The following PLBD2 variants were observed in gnomAD, a reference collection of about 807,000 sequenced individuals.
PLBD2 encodes putative aminopeptidase PLBD2.
A neutral mutation model predicts 68.3 loss-of-function variants in PLBD2; 51 were observed. The ratio of observed to expected loss-of-function variants is 0.75; its 90% CI spans 0.60 to 0.94. The LOEUF (loss-of-function observed/expected upper bound fraction) is 0.94, where lower values mean the gene tolerates loss of function less well. PLBD2 is among the 40% of genes least tolerant of loss of function. The pLI is 0.00. For synonymous variants in PLBD2, 314 were observed against 339.3 expected (o/e 0.93, Z 0.82); for missense variants, 729 against 792.2 (o/e 0.92, Z 0.96).
chr12:113,374,771 C>T (rs1957423620), intron 4 of PLBD2, 22 bp from the exon 5 acceptor site: 1 of 1,613,048 alleles, frequency 6.2e-7, no homozygotes, highest in African/African-American at 1.3e-5. Flanking sequence ...TGGTAACCCT[C>T]TGATGCCCTG....
chr12:113,363,724 A>G (rs1185587968), intron 1 of PLBD2, among the ~76,000 whole-genome samples: 1 of 151,838 alleles, frequency 6.6e-6, no homozygotes, highest in African/African-American at 2.4e-5. Context: ...TTTTTAGTAG[A>G]GACGGGGTTT....
intron 1 of PLBD2, among the ~76,000 whole-genome samples, chr12:113,362,595 GAAA>G (rs548450929): frequency 7.4e-6 from 1 of 135,896 alleles, no homozygotes; most frequent in Non-Finnish European, 1.6e-5. Flanking sequence ...GATTTTCCAG[GAAA>G]AAAAAAAAAA....
intron 4 of PLBD2, 103 bp from the exon 5 acceptor site, chr12:113,374,690 G>A (rs1189639369): frequency 1.1e-5 from 17 of 1,488,292 alleles, no homozygotes; most frequent in Non-Finnish European, 1.6e-5. Context: ...CCTTGGAACA[G>A]TCAGCTGACT....
intron 1 of PLBD2, among the ~76,000 whole-genome samples, chr12:113,364,597 A>G (rs1398117856): frequency 6.6e-6 from 1 of 151,826 alleles, no homozygotes; most frequent in Non-Finnish European, 1.5e-5. Context: ...TCCTGTGACT[A>G]TAGGCAAGCA....
At chr12:113,371,397 G>C (rs995771946) in intron 2 of PLBD2, among the ~76,000 whole-genome samples, 16 of 152,244 alleles carry the variant, frequency 1.1e-4, no homozygotes, top group African/African-American at 3.9e-4. Context: ...CTGGAGGCGA[G>C]GGGGAAAGAG....
intron 5 of PLBD2, among the ~76,000 whole-genome samples, chr12:113,378,493 A>G (rs926210378): frequency 3.9e-5 from 6 of 152,080 alleles, no homozygotes; most frequent in Non-Finnish European, 5.9e-5. Flanking sequence ...GAGAGTTGCC[A>G]GTACTGCCAT....
rs1313220548 is a variant in PLBD2 at position 113,389,283 on chromosome 12, A to T, written c.*657A>T. 1 of 152,158 alleles carries T rather than the reference A, an allele frequency of 6.6e-6. No individual in the cohort carries two copies. The highest frequency in any genetic ancestry group is 2.4e-5 in the African/African-American group (1 of 41,366). 9.4% of individuals were successfully genotyped at this position (152,158 alleles called of 1,614,324 possible). ...GGGTCAGCCCCCATGCTTCTGCCTC[A>T]GGCCCCACCCCACCCCACCCCAGGC... On this transcript the variant is annotated 3_prime_UTR_variant, in exon 12 of 12. Transcript: ENST00000280800.
chr12:113,367,517 A>G (rs1468441082), intron 1 of PLBD2, among the ~76,000 whole-genome samples: 3 of 152,256 alleles, frequency 2.0e-5, no homozygotes, highest in African/African-American at 4.8e-5. Context: ...TGGGAGGCCG[A>G]GGCAGGTGGA....
chr12:113,370,771 C>A (rs1347565944), intron 2 of PLBD2, among the ~76,000 whole-genome samples: 1 of 152,188 alleles, frequency 6.6e-6, no homozygotes, highest in Non-Finnish European at 1.5e-5. Flanking sequence ...AGCCACCTGG[C>A]CTAGGCTAGG....
chr12:113,363,738 C>T (rs572131729), intron 1 of PLBD2, among the ~76,000 whole-genome samples: 94 of 152,134 alleles, frequency 6.2e-4, no homozygotes, highest in African/African-American at 2.2e-3. Context: ...GGGGTTTCAC[C>T]ATGTTAGCCA....
At chr12:113,385,916 A>G (rs946993275) in intron 9 of PLBD2, among the ~76,000 whole-genome samples, 2 of 152,026 alleles carry the variant, frequency 1.3e-5, no homozygotes, top group African/African-American at 2.4e-5. Context: ...ATCCTTGGCT[A>G]ATTTTTCTAT....
intron 1 of PLBD2, 105 bp downstream of exon 1, chr12:113,358,995 C>T: frequency 7.9e-7 from 1 of 1,263,396 alleles, no homozygotes; most frequent in Non-Finnish European, 1.1e-6. Context: ...TGGGAACGCC[C>T]GTTTCTCTGG....
Position 113,374,356 on chromosome 12 carries a change from T to A in PLBD2, c.544-118T>A, listed in dbSNP as rs890442326. The A allele has an allele frequency of 6.0e-6, 4 of 663,640 alleles. No individual in the cohort carries two copies. In the African/African-American group the frequency reaches 7.2e-5, roughly 12 times the overall value. 41.1% of individuals were successfully genotyped at this position (663,640 alleles called of 1,614,324 possible). ...TCAAGGCTGGCTGGAGTCTGGAGGGTACCCCCGGGCCTCCTGCTCTGTCTG... is the reference window on the plus strand; with the variant it reads ...TCAAGGCTGGCTGGAGTCTGGAGGGAACCCCCGGGCCTCCTGCTCTGTCTG... On this transcript the variant is annotated intron_variant, in intron 3 of 11. Transcript: ENST00000280800.
At position 113,380,741 on chromosome 12, in the gene PLBD2, A is replaced by C; in HGVS notation, c.860-4A>C. ...AGCATCCCTGGCTCGCTCTGCCTGC[A>C]CAGGGGACTACCCGCTGGTTCCCGG... On this transcript the variant is annotated splice_region_variant and splice_polypyrimidine_tract_variant and intron_variant, in intron 5 of 11. Coordinates refer to ENST00000280800, the MANE Select transcript of PLBD2 (RefSeq NM_173542.4). 2.6e-6 allele frequency: 4 copies of C among 1,548,796 alleles called. No individual in the cohort carries two copies. Among genetic ancestry groups the C allele is most frequent in the Non-Finnish European group, 3.5e-6 (4 of 1,146,912 alleles).
In PLBD2 at chr12:113,385,278, C is replaced by T. The variant is rs1221796874; in HGVS notation, c.1281C>T (p.Asn427=). ...AGAAGACCTACTGGGCCAGCTACAA[C>T]ATACCGTGCGTGCCTTCTCACTCCG... The part of the protein sequence containing the change: ...LYQKTYWASY[N]IPSFETVFNA... Residue 427 remains asparagine, a synonymous_variant, in exon 9 of 12, where the codon AAC becomes AAT. Coordinates refer to ENST00000280800, the MANE Select transcript of PLBD2 (RefSeq NM_173542.4). 5.0e-6 allele frequency: 8 copies of T among 1,614,132 alleles called. No individual in the cohort carries two copies. The South Asian group carries it at 6.6e-5, about 13-fold the overall frequency.
intron 1 of PLBD2, among the ~76,000 whole-genome samples, chr12:113,359,140 C>G (rs950029435): frequency 3.9e-5 from 6 of 152,218 alleles, no homozygotes; most frequent in Non-Finnish European, 8.8e-5. Context: ...CTTCTGTCCC[C>G]AAGAAGCCAG....
intron 5 of PLBD2, among the ~76,000 whole-genome samples, chr12:113,380,534 A>G (rs1386982996): frequency 1.3e-5 from 2 of 152,340 alleles, no homozygotes; most frequent in Admixed American, 6.5e-5. Flanking sequence ...GGCCAACTAT[A>G]TAAGTTTTGC....
intron 1 of PLBD2, among the ~76,000 whole-genome samples, chr12:113,367,312 A>C (rs934640775): frequency 2.0e-5 from 3 of 152,236 alleles, no homozygotes; most frequent in Non-Finnish European, 4.4e-5. Context: ...TTCTGCAGCT[A>C]TCACCTTGGT....
chr12:113,388,523 A>G lies in PLBD2; in HGVS notation c.1667A>G (p.Gln556Arg). The change falls in exon 12 of 12, where the codon CAG becomes CGG. Residue 556 changes from glutamine (Q) to arginine (R), a missense_variant. Transcript: ENST00000280800. Reference protein sequence around the residue: ...LLAASGPTWDQVPPFQWSTSP... With the variant: ...LLAASGPTWDRVPPFQWSTSP... ...GCGGCCAGCGGTCCCACGTGGGACC[A>G]GGTGCCCCCGTTCCAGTGGAGCACC... 6.2e-7 allele frequency: 1 copy of G among 1,610,570 alleles called. No individual in the cohort carries two copies. Among genetic ancestry groups the G allele is most frequent in the South Asian group, 1.1e-5 (1 of 90,846 alleles).
Sources: allele counts gnomAD v4.1 joint callset (sites outside exome capture counted in the v4.1 genomes callset), GRCh38; gene constraint gnomAD v4.1.1; transcripts MANE v1.5; gene names NCBI Gene and HGNC (gene_info 2026-07-23, HGNC 2026-07-21).